The following FHIT variants were observed in gnomAD, a reference collection of about 807,000 sequenced individuals.
FHIT encodes the protein fragile histidine triad diadenosine triphosphatase, also known as bis(5'-adenosyl)-triphosphatase.
In FHIT, 19 loss-of-function variants were observed where a neutral mutation model predicts 17.9. The observed-to-expected ratio is 1.06, with a 90% CI of 0.74 to 1.56. The LOEUF is 1.56. Among genes scored for constraint, FHIT ranks in the 40% most tolerant of loss-of-function variants. The pLI is 0.00. For synonymous variants in FHIT, 81 were observed against 69.7 expected, an observed-to-expected ratio of 1.16 and a Z score of -0.81; for missense variants, 248 against 189.2, an observed-to-expected ratio of 1.31 and a Z score of -1.82.
At chr3:60,434,891 C>A (rs140015376) in intron 5 of FHIT, among the ~76,000 whole-genome samples, 1 of 152,236 alleles carries the variant, frequency 6.6e-6, no homozygotes, top group East Asian at 1.9e-4. Flanking sequence ...GAAATAACAT[C>A]TTACTAACTA....
chr3:59,968,810 C>A (rs1310056977), intron 7 of FHIT, among the ~76,000 whole-genome samples: 1 of 152,160 alleles, frequency 6.6e-6, no homozygotes, highest in African/African-American at 2.4e-5. Context: ...CTGTCAAATG[C>A]TTTTGAGAGA....
intron 1 of FHIT, chr3:61,244,280 A>C (rs2040436966): frequency 6.6e-6 from 1 of 152,212 alleles, no homozygotes; most frequent in Non-Finnish European, 1.5e-5. Flanking sequence ...GCCAAGCCTG[A>C]GAGCCACTAG....
chr3:60,796,335 G>A (rs1553730325), intron 4 of FHIT, among the ~76,000 whole-genome samples: 1 of 152,028 alleles, frequency 6.6e-6, no homozygotes, highest in Non-Finnish European at 1.5e-5. Context: ...TTATTATTTA[G>A]TTCTTTCTGC....
chr3:60,977,866 C>T (rs1460979578), intron 3 of FHIT, among the ~76,000 whole-genome samples: 1 of 152,106 alleles, frequency 6.6e-6, no homozygotes, highest in Non-Finnish European at 1.5e-5. Flanking sequence ...AGCGAAACTC[C>T]ATCTCAAAAA....
At chr3:61,251,161 G>A (rs1293237986) in intron 1 of FHIT, 140 bp downstream of exon 1, 2 of 152,356 alleles carry the variant, frequency 1.3e-5, no homozygotes, top group Non-Finnish European at 2.9e-5. Flanking sequence ...TGGGGCGGAA[G>A]AGTACTCGGG....
At chr3:60,134,890 A>G (rs1329985047) in intron 5 of FHIT, among the ~76,000 whole-genome samples, 1 of 152,084 alleles carries the variant, frequency 6.6e-6, no homozygotes, top group Non-Finnish European at 1.5e-5. Context: ...CCTCCAGCAG[A>G]GTCTGCCTTG....
rs566628802 is a variant in FHIT, at chr3:60,924,888, C to T, written c.-110-102877G>A. ...AAGGACCTGATGGAGCTGAAAACCA[C>T]GGCACCAGAACTACGTGACGAATAC... is the stretch of plus-strand genomic sequence containing the variant. On this transcript the variant is annotated intron_variant, in intron 3 of 9. Transcript: ENST00000492590. Among the ~76,000 whole-genome samples, 31 of 152,086 alleles carry T rather than the reference C, an allele frequency of 2.0e-4. No individual in the cohort carries two copies. The South Asian group carries it at 4.2e-3, about 20-fold the overall frequency.
Position 60,639,955 on chromosome 3 carries a change from C to T in FHIT, c.-17-102976G>A, listed in dbSNP as rs183619793. 8.1e-4 allele frequency among the ~76,000 whole-genome samples: 124 copies of T among 152,222 alleles called. 1 individual carries two copies. Among genetic ancestry groups the T allele is most frequent in the Non-Finnish European group, 1.5e-3 (104 of 68,018 alleles). ...AACCATACAATGGAATACTATTCTG[C>T]AATAAAAAGGAACATTAACACATGC... On this transcript the variant is annotated intron_variant, in intron 4 of 9. Transcript: ENST00000492590.
Position 60,977,560 on chromosome 3 carries a change from G to C in FHIT, c.-111+64487C>G, listed in dbSNP as rs548974076. 1.1e-4 allele frequency among the ~76,000 whole-genome samples: 17 copies of C among 152,194 alleles called. 1 individual carries two copies. The South Asian group carries it at 3.3e-3, about 30-fold the overall frequency. ...GAAAAGTGTGTGCTGAGCAGTGGGGGATGCTGGCATGCTCTGTTAGAATCA... is the reference window on the plus strand; with the variant it reads ...GAAAAGTGTGTGCTGAGCAGTGGGGCATGCTGGCATGCTCTGTTAGAATCA... On this transcript the variant is annotated intron_variant, in intron 3 of 9. Coordinates refer to ENST00000492590, the MANE Select transcript of FHIT (RefSeq NM_002012.4).
At chr3:60,251,747 A>G (rs1457628074) in intron 5 of FHIT, among the ~76,000 whole-genome samples, 1 of 152,154 alleles carries the variant, frequency 6.6e-6, no homozygotes, top group Non-Finnish European at 1.5e-5. Flanking sequence ...CATTTCTTCT[A>G]CACAGCATAC....
At chr3:59,918,291 C>T (rs13071758) in intron 8 of FHIT, among the ~76,000 whole-genome samples, 23,335 of 151,850 alleles carry the variant, frequency 0.15, 1,900 homozygotes, top group Non-Finnish European at 0.16. Context: ...AGATCCCTGC[C>T]CTAAAGACTG....
intron 5 of FHIT, among the ~76,000 whole-genome samples, chr3:60,051,654 A>G (rs762447887): frequency 1.1e-4 from 16 of 152,158 alleles, no homozygotes; most frequent in Admixed American, 3.3e-4. Flanking sequence ...GTAGTGCATT[A>G]ATGATTCTAT....
intron 7 of FHIT, among the ~76,000 whole-genome samples, chr3:59,925,266 G>A (rs1705600468): frequency 6.6e-6 from 1 of 151,980 alleles, no homozygotes; most frequent in Non-Finnish European, 1.5e-5. Context: ...ACCACATCAA[G>A]CTAACTTTTT....
chr3:59,918,613 A>G (rs1705254733), intron 8 of FHIT, among the ~76,000 whole-genome samples: 1 of 152,170 alleles, frequency 6.6e-6, no homozygotes, highest in African/African-American at 2.4e-5. Flanking sequence ...CAGACAGAAG[A>G]TCCTGGGGAA....
intron 1 of FHIT, among the ~76,000 whole-genome samples, chr3:61,212,760 G>A (rs963941417): frequency 7.9e-5 from 12 of 152,206 alleles, no homozygotes; most frequent in African/African-American, 1.7e-4. Context: ...CAGAAAGGTC[G>A]GGTTACCCAC....
At chr3:60,962,276 A>G (rs1255848485) in intron 3 of FHIT, among the ~76,000 whole-genome samples, 1 of 152,130 alleles carries the variant, frequency 6.6e-6, no homozygotes, top group African/African-American at 2.4e-5. Context: ...TTGCACACTG[A>G]TTTTGTATCC....
chr3:60,842,761 G>A (rs1472478505), intron 3 of FHIT, among the ~76,000 whole-genome samples: 1 of 151,014 alleles, frequency 6.6e-6, no homozygotes, highest in Non-Finnish European at 1.5e-5. Flanking sequence ...ATATCTAAAG[G>A]AGAAATCATT....
At chr3:60,851,983 C>G (rs1575597754) in intron 3 of FHIT, among the ~76,000 whole-genome samples, 1 of 152,192 alleles carries the variant, frequency 6.6e-6, no homozygotes, top group Non-Finnish European at 1.5e-5. Context: ...CCATGAGGTG[C>G]CCAGATATTT....
At chr3:59,965,928 G>C (rs1707905727) in intron 7 of FHIT, among the ~76,000 whole-genome samples, 1 of 152,146 alleles carries the variant, frequency 6.6e-6, no homozygotes, top group African/African-American at 2.4e-5. Context: ...AAGACAGACT[G>C]GGAAATGAGA....
Sources: gnomAD v4.1 joint callset for allele counts (sites outside exome capture counted in the v4.1 genomes callset) on GRCh38, gnomAD v4.1.1 for gene constraint, MANE v1.5 for transcripts, NCBI Gene and HGNC (gene_info 2026-07-23, HGNC 2026-07-21) for gene names.